Variants in GALNT18 observed in about 807,000 individuals in gnomAD.
GALNT18 encodes the protein GalNAc-transferase 18.
In GALNT18, 44 loss-of-function variants were observed where a neutral mutation model predicts 69.5. That is an observed-to-expected ratio of 0.63 (90% CI 0.50 to 0.81). The LOEUF is 0.81. Ranked by LOEUF, GALNT18 falls within the 40% of genes least tolerant of loss-of-function variation. The pLI is 0.00. For synonymous variants in GALNT18, 364 were observed against 318.2 expected, an observed-to-expected ratio of 1.14 and a Z score of -1.53; for missense variants, 715 against 810.0, an observed-to-expected ratio of 0.88 and a Z score of 1.42.
intron 9 of GALNT18, among the ~76,000 whole-genome samples, chr11:11,301,568 C>T (rs1443683525): frequency 6.6e-6 from 1 of 152,206 alleles, no homozygotes; most frequent in Non-Finnish European, 1.5e-5. Context: ...AGTGTGACGA[C>T]ATACATGTGT....
rs1859986644 is a variant in GALNT18, at chr11:11,614,202, C to T, written c.235+7157G>A. On this transcript the variant is annotated intron_variant, in intron 1 of 10. Coordinates refer to ENST00000227756, the MANE Select transcript of GALNT18 (RefSeq NM_198516.3). This position sits in a 1 kb window ranked among gnomAD's most constrained non-coding sequence, Gnocchi z 5.6. ...ATAAAATTATAAATTTATAATTTGG[C>T]TCATAGTTCTGCAAGCTGTTCGAAG... Among the ~76,000 whole-genome samples the T allele has an allele frequency of 6.6e-6, 1 of 152,100 alleles. No homozygotes were observed. The highest frequency in any genetic ancestry group is 2.1e-4 in the South Asian group (1 of 4,820).
At chr11:11,580,044 T>C (rs1565024702) in intron 1 of GALNT18, among the ~76,000 whole-genome samples, 1 of 152,202 alleles carries the variant, frequency 6.6e-6, no homozygotes, top group Non-Finnish European at 1.5e-5. Flanking sequence ...AGTTCTGTAT[T>C]ATTCAACTTC....
intron 1 of GALNT18, among the ~76,000 whole-genome samples, chr11:11,452,845 ATGTCTGACCAAC>A (rs1235140065): frequency 6.6e-6 from 1 of 152,170 alleles, no homozygotes; most frequent in Non-Finnish European, 1.5e-5. Context: ...CTACCTGGGC[ATGTCTGACCAAC>A]TGATGAGGTG....
chr11:11,614,723 A>G lies in GALNT18; in HGVS notation c.235+6636T>C, dbSNP rs1860004810. On this transcript the variant is annotated intron_variant, in intron 1 of 10. Coordinates refer to ENST00000227756, the MANE Select transcript of GALNT18 (RefSeq NM_198516.3). The surrounding 1 kb of genome is among the most constrained non-coding windows in gnomAD (Gnocchi z 5.6). ...AGGCCAGCCTAACCCAAGTGACTAA[A>G]GCTGAACTTCAAGGCCCTCATAAAT... Among the ~76,000 whole-genome samples, 1 of 152,240 alleles carries G rather than the reference A, an allele frequency of 6.6e-6. No homozygotes were observed. The highest frequency in any genetic ancestry group is 1.9e-4 in the East Asian group (1 of 5,194).
In GALNT18 at chr11:11,448,852, G is replaced by A; in HGVS notation, c.320C>T (p.Pro107Leu). Reference protein sequence around the residue: ...LFAHWGQELSPEGRRVALKQF... With the variant: ...LFAHWGQELSLEGRRVALKQF... ...CTTCAGGGCCACGCGCCGGCCTTCG[G>A]GGCTGAGCTCCTGGCCCCAGTGTGC... The change falls in exon 2 of 11, where the codon CCC (proline) becomes CTC (leucine). Residue 107 changes from proline to leucine, a missense_variant. Coordinates refer to ENST00000227756, the MANE Select transcript of GALNT18 (RefSeq NM_198516.3). The A allele has an allele frequency of 6.2e-7, 1 of 1,610,822 alleles. No homozygotes were observed. Among genetic ancestry groups the A allele is most frequent in the Non-Finnish European group, 8.5e-7 (1 of 1,178,680 alleles).
chr11:11,448,093 G>A (rs1208955415), intron 2 of GALNT18, among the ~76,000 whole-genome samples: 2 of 151,986 alleles, frequency 1.3e-5, no homozygotes, highest in African/African-American at 4.8e-5. Flanking sequence ...AAAGAACACG[G>A]CCTCCAAACC....
intron 9 of GALNT18, among the ~76,000 whole-genome samples, chr11:11,298,540 G>A (rs577870860): frequency 5.3e-5 from 8 of 152,100 alleles, no homozygotes; most frequent in East Asian, 3.9e-4. Flanking sequence ...GCCCAGTCCC[G>A]AACCTCAGCT....
At chr11:11,385,662 A>C (rs1854039387) in intron 3 of GALNT18, among the ~76,000 whole-genome samples, 1 of 152,160 alleles carries the variant, frequency 6.6e-6, no homozygotes, top group Admixed American at 6.5e-5. Context: ...AGAGAGGGAG[A>C]GTAAGCAGGA....
chr11:11,273,075 A>C (rs1379346737), intron 10 of GALNT18, among the ~76,000 whole-genome samples: 2 of 152,254 alleles, frequency 1.3e-5, no homozygotes, highest in Non-Finnish European at 2.9e-5. Flanking sequence ...TAGACTACAA[A>C]ACTCCTAGAA....
chr11:11,325,487 C>CA lies in GALNT18; in HGVS notation c.1512+1598dup, dbSNP rs541202893. Among the ~76,000 whole-genome samples the CA allele has an allele frequency of 3.2e-3, 479 of 151,704 alleles. 1 individual carries two copies. Among genetic ancestry groups the CA allele is most frequent in the African/African-American group, 0.011 (445 of 41,358 alleles). On this transcript the variant is annotated intron_variant, in intron 9 of 10. Coordinates refer to ENST00000227756, the MANE Select transcript of GALNT18 (RefSeq NM_198516.3). The stretch of plus-strand genomic sequence containing the variant: ...GAACTTATCCAAGTATCCATGTAAC[C>CA]AAAAACCACCTGAATCTCAAAAACC...
At chr11:11,427,310 C>T (rs983170904) in intron 3 of GALNT18, among the ~76,000 whole-genome samples, 1 of 152,196 alleles carries the variant, frequency 6.6e-6, no homozygotes, top group South Asian at 2.1e-4. Flanking sequence ...AAGAAGAAAG[C>T]AGTGATTGAC....
chr11:11,438,618 CA>C (rs1855463627), intron 2 of GALNT18, among the ~76,000 whole-genome samples: 1 of 152,070 alleles, frequency 6.6e-6, no homozygotes, highest in South Asian at 2.1e-4. Context: ...CATTTGATTC[CA>C]AAGCTTGTCT....
At chr11:11,280,942 T>C (rs1308435680) in intron 10 of GALNT18, among the ~76,000 whole-genome samples, 1 of 152,176 alleles carries the variant, frequency 6.6e-6, no homozygotes, top group African/African-American at 2.4e-5. Flanking sequence ...GCCAGACCAT[T>C]GCTCCATGGC....
Position 11,606,446 on chromosome 11 carries a change from C to A in GALNT18, c.235+14913G>T, listed in dbSNP as rs1420288406. On this transcript the variant is annotated intron_variant, in intron 1 of 10. Transcript: ENST00000227756. This position sits in a 1 kb window ranked among gnomAD's most constrained non-coding sequence, Gnocchi z 5.4. ...ATTAAACAGTGCTAAACATCTGGTA[C>A]ATGGCTGATAAATGTGAATTTTCTC... is the stretch of plus-strand genomic sequence containing the variant. Among the ~76,000 whole-genome samples, 1 of 152,208 alleles carries A rather than the reference C, an allele frequency of 6.6e-6. No homozygotes were observed. The highest frequency in any genetic ancestry group is 1.9e-4 in the East Asian group (1 of 5,198).
rs150752788 is a variant in GALNT18, at chr11:11,428,599, C to T, written c.595+4022G>A. Among the ~76,000 whole-genome samples, 374 of 152,292 alleles carry T rather than the reference C, an allele frequency of 2.5e-3. 2 individuals are homozygous for T. Among genetic ancestry groups the T allele is most frequent in the Middle Eastern group, 6.8e-3 (2 of 294 alleles). ...CAACTCTTGCTTCTGTGCCCTGGATCCCATCTTCCTCCTCAGAGGCCCTGC... is the reference window on the plus strand; with the variant it reads ...CAACTCTTGCTTCTGTGCCCTGGATTCCATCTTCCTCCTCAGAGGCCCTGC... On this transcript the variant is annotated intron_variant, in intron 3 of 10. Coordinates refer to ENST00000227756, the MANE Select transcript of GALNT18 (RefSeq NM_198516.3).
At chr11:11,489,218 T>C (rs1856708225) in intron 1 of GALNT18, among the ~76,000 whole-genome samples, 1 of 152,160 alleles carries the variant, frequency 6.6e-6, no homozygotes, top group African/African-American at 2.4e-5. Context: ...TGGGGGAGCA[T>C]TATTATGACA....
At chr11:11,420,085 AG>A (rs1391580462) in intron 3 of GALNT18, among the ~76,000 whole-genome samples, 2 of 152,076 alleles carry the variant, frequency 1.3e-5, no homozygotes, top group Non-Finnish European at 2.9e-5. Context: ...TTCCCAATTT[AG>A]GTCTCCTGAG....
chr11:11,481,736 G>A (rs949372429), intron 1 of GALNT18, among the ~76,000 whole-genome samples: 2 of 152,084 alleles, frequency 1.3e-5, no homozygotes, highest in African/African-American at 4.8e-5. Context: ...TAGAATGGGG[G>A]GAAACGGGCA....
At chr11:11,534,409 T>C (rs922579294) in intron 1 of GALNT18, among the ~76,000 whole-genome samples, 54 of 152,238 alleles carry the variant, frequency 3.5e-4, no homozygotes, top group Admixed American at 1.4e-3. Context: ...TCTTGAGTAA[T>C]GGGTTTCAAT....
Sources: gnomAD v4.1 joint callset for allele counts (sites outside exome capture counted in the v4.1 genomes callset) on GRCh38, gnomAD v4.1.1 for gene constraint, Gnocchi (gnomAD v3.1) non-coding constraint, MANE v1.5 for transcripts, NCBI Gene and HGNC (gene_info 2026-07-23, HGNC 2026-07-21) for gene names.